Variants in MRPL44 observed in about 807,000 individuals in gnomAD.
MRPL44 encodes mitochondrial ribosomal protein L44, also known as large ribosomal subunit protein mL44.
MRPL44 carries 21 observed loss-of-function variants against 25.9 expected under a neutral mutation model. The observed-to-expected ratio is 0.81, with a 90% confidence interval of 0.58 to 1.17. The LOEUF (loss-of-function observed/expected upper bound fraction) is 1.17, where lower values mean the gene tolerates loss of function less well. Ranked by LOEUF, MRPL44 falls within the 50% of genes most tolerant of loss-of-function variation. The pLI, the probability that MRPL44 is intolerant of heterozygous loss-of-function variation, is 0.00. For missense variants in MRPL44, 410 were observed against 398.9 expected, an observed-to-expected ratio of 1.03 and a Z score of -0.24; for synonymous variants, 169 against 151.0, an observed-to-expected ratio of 1.12 and a Z score of -0.87.
chr2:223,966,460 A>G (rs1179951736), intron 3 of MRPL44, among the ~76,000 whole-genome samples: 3 of 152,130 alleles, frequency 2.0e-5, no homozygotes, highest in African/African-American at 4.8e-5. Context: ...TTGTAAGGAG[A>G]TATTTATTTT....
At position 223,957,493 on chromosome 2, in the gene MRPL44, A is replaced by G. The variant is rs368212494; in HGVS notation, c.21A>G (p.Arg7=). Residue 7 remains arginine, a synonymous_variant, in exon 1 of 4, where the codon AGA becomes AGG. Coordinates refer to ENST00000258383, the MANE Select transcript of MRPL44 (RefSeq NM_022915.5). ...GTGCAATGGCGTCCGGGCTGGTAAG[A>G]TTGCTGCAGCAGGGACATCGCTGCC... is the stretch of plus-strand genomic sequence containing the variant. MASGLV[R]LLQQGHRCLL... The G allele has an allele frequency of 5.6e-6, 9 of 1,614,004 alleles. No individual in the cohort carries two copies. The African/African-American group carries it at 8.0e-5, about 14-fold the overall frequency.
chr2:223,954,222 T>C (rs942633383), upstream of MRPL44, among the ~76,000 whole-genome samples: 2 of 152,216 alleles, frequency 1.3e-5, no homozygotes, highest in African/African-American at 4.8e-5. Flanking sequence ...TTCCATCTCT[T>C]CTGCATCTAG....
chr2:223,957,344 CCCGCCCCGGGGGCTGTCT>C, upstream of MRPL44: 2 of 1,242,116 alleles, frequency 1.6e-6, no homozygotes, highest in Non-Finnish European at 2.3e-6. Context: ...TCTCAGTCGC[CCCGCCCCGGGGGCTGTCT>C]CCGCCCCAGC....
At chr2:223,956,364 T>C (rs148704692), upstream of MRPL44, among the ~76,000 whole-genome samples, 253 of 152,298 alleles carry the variant, frequency 1.7e-3, no homozygotes, top group African/African-American at 5.7e-3. Flanking sequence ...GAAACCCAAA[T>C]TGAGTTCTAT....
At position 223,963,616 on chromosome 2, in the gene MRPL44, C is replaced by T. The variant is rs138277162; in HGVS notation, c.649-140C>T. The stretch of plus-strand genomic sequence containing the variant: ...AAAAGAATAGTACATTTTTGTCTTT[C>T]GTTTCCCATTAAGTTTTAAATTTCT... On this transcript the variant is annotated intron_variant, in intron 2 of 3. Transcript: ENST00000258383. The T allele has an allele frequency of 6.8e-4, 330 of 485,826 alleles. 1 individual carries two copies. The highest frequency in any genetic ancestry group is 6.0e-3 in the African/African-American group (297 of 49,612). The allele number at this position is 485,826 out of a possible 1,614,324, so 30.1% of individuals were successfully genotyped here.
At chr2:223,953,409 A>C (rs146139058), upstream of MRPL44, among the ~76,000 whole-genome samples, 13 of 151,006 alleles carry the variant, frequency 8.6e-5, no homozygotes, top group Admixed American at 2.6e-4. Flanking sequence ...CTGGGATTAC[A>C]GGCATGAGCC....
chr2:223,957,741 C>G (rs1426547210), intron 1 of MRPL44, 90 bp downstream of exon 1: 2 of 1,415,402 alleles, frequency 1.4e-6, no homozygotes, highest in Admixed American at 2.1e-5. Flanking sequence ...CTGATGCGCC[C>G]CTGGGTTAAG....
At chr2:223,963,731 G>A (rs1689700204) in intron 2 of MRPL44, 25 bp from the exon 3 acceptor site, 2 of 1,431,830 alleles carry the variant, frequency 1.4e-6, no homozygotes, top group Non-Finnish European at 1.9e-6. Context: ...TAATTAAAAT[G>A]TATAAATTAT....
intron 3 of MRPL44, chr2:223,965,937 G>A (rs11695603): frequency 0.025 from 3,787 of 151,698 alleles, 97 homozygotes; most frequent in Admixed American, 0.077. Context: ...GGCTCAAGCA[G>A]TCCTCCTGCT....
chr2:223,954,366 T>C (rs755836590), upstream of MRPL44, among the ~76,000 whole-genome samples: 2 of 152,264 alleles, frequency 1.3e-5, no homozygotes, highest in Non-Finnish European at 2.9e-5. Flanking sequence ...TGTTGCTATG[T>C]AACAAATTAC....
At chr2:223,957,352 G>A, upstream of MRPL44, 1 of 1,299,344 alleles carries the variant, frequency 7.7e-7, no homozygotes, top group Non-Finnish European at 1.1e-6. Flanking sequence ...GCCCCGCCCC[G>A]GGGGCTGTCT....
chr2:223,955,304 G>A (rs1009241901), upstream of MRPL44, among the ~76,000 whole-genome samples: 1 of 152,110 alleles, frequency 6.6e-6, no homozygotes, highest in Non-Finnish European at 1.5e-5. Flanking sequence ...TTTGTATTTT[G>A]AACAGTTTTA....
Position 223,967,032 on chromosome 2 carries a change from T to G in MRPL44, c.997T>G (p.Ter333GluextTer10). Residue 333 changes from the stop codon to glutamate, a stop_lost, in exon 4 of 4, where the codon TAG (stop) becomes GAG (glutamate). Transcript: ENST00000258383. Reference sequence around the variant, plus strand: ...AGCAGAAAAGAGCATCACTGCCAGCTAGCCGCCATGGATGCAGCAGCCTGA... The same window carrying G: ...AGCAGAAAAGAGCATCACTGCCAGCGAGCCGCCATGGATGCAGCAGCCTGA... ...LRAEKSITAS[*>E] is the part of the protein sequence containing the mutation. 6.2e-7 allele frequency: 1 copy of G among 1,608,220 alleles called. No individual in the cohort carries two copies. The highest frequency in any genetic ancestry group is 1.1e-5 in the South Asian group (1 of 90,182).
upstream of MRPL44, among the ~76,000 whole-genome samples, chr2:223,957,202 A>G (rs1689575688): frequency 6.6e-6 from 1 of 152,282 alleles, no homozygotes; most frequent in Non-Finnish European, 1.5e-5. Flanking sequence ...TTCTCCCAGA[A>G]ACTTTTGGGC....
At chr2:223,962,081 G>A (rs1440164532) in intron 2 of MRPL44, among the ~76,000 whole-genome samples, 4 of 152,056 alleles carry the variant, frequency 2.6e-5, no homozygotes, top group African/African-American at 9.7e-5. Flanking sequence ...TGTCCATGCT[G>A]GAGTGCAGTG....
intron 1 of MRPL44, among the ~76,000 whole-genome samples, 153 bp downstream of exon 1, chr2:223,957,804 G>A (rs1351501535): frequency 1.3e-5 from 2 of 152,124 alleles, no homozygotes; most frequent in African/African-American, 4.8e-5. Context: ...CGGGGCCTGA[G>A]GCAAAAAAAA....
chr2:223,957,326 C>G (rs3738960), upstream of MRPL44: 408,806 of 974,640 alleles, frequency 0.42, 87,527 homozygotes, highest in Non-Finnish European at 0.44. Flanking sequence ...GTCTCCGCCC[C>G]TGCCCTCTCT....
rs1689757331 is a variant in MRPL44 at position 223,967,275 on chromosome 2, C to T, written c.*241C>T. ...TGAGATGGAGTCTTACTCTGTCGCC[C>T]AGGCTGGACTGCAGTGGTGCGATCT... On this transcript the variant is annotated 3_prime_UTR_variant, in exon 4 of 4. Transcript: ENST00000258383. 2.5e-6 allele frequency: 1 copy of T among 395,542 alleles called. No individual in the cohort carries two copies. The highest frequency in any genetic ancestry group is 4.5e-6 in the Non-Finnish European group (1 of 221,864). 24.5% of individuals were successfully genotyped at this position (395,542 alleles called of 1,614,324 possible). A position where few individuals can be genotyped will look rare whatever the true frequency, so the allele number is the denominator to read the frequency against.
chr2:223,957,138 T>C (rs752251247), upstream of MRPL44, among the ~76,000 whole-genome samples: 10 of 152,264 alleles, frequency 6.6e-5, no homozygotes, highest in Non-Finnish European at 1.5e-4. Flanking sequence ...AGATTTTTGT[T>C]TGTTTTGCTG....
Sources: gnomAD v4.1 joint callset for allele counts (sites outside exome capture counted in the v4.1 genomes callset) on GRCh38, gnomAD v4.1.1 for gene constraint, MANE v1.5 for transcripts, NCBI Gene and HGNC (gene_info 2026-07-23, HGNC 2026-07-21) for gene names.